The following TLL2 variants were observed in gnomAD, a reference collection of about 807,000 sequenced individuals.
TLL2 encodes the protein tolloid-like protein 2.
Under a neutral mutation model 123.0 loss-of-function variants are expected in TLL2, and 106 were observed. The ratio of observed to expected loss-of-function variants is 0.86; its 90% CI spans 0.74 to 1.01. TLL2 has a LOEUF of 1.01. TLL2 is among the 50% of genes least tolerant of loss of function. TLL2 has a pLI of 0.00. For missense variants in TLL2, 1,332 were observed against 1,336.7 expected (o/e 1.00, Z 0.06); for synonymous variants, 494 against 516.8 (o/e 0.96, Z 0.60).
intron 2 of TLL2, among the ~76,000 whole-genome samples, chr10:96,469,256 C>T (rs1236569387): frequency 6.6e-6 from 1 of 152,240 alleles, no homozygotes; most frequent in African/African-American, 2.4e-5. Context: ...CTGACCTGGG[C>T]TCCGATATTG....
At chr10:96,447,645 T>C (rs1188774840) in intron 2 of TLL2, among the ~76,000 whole-genome samples, 3 of 152,180 alleles carry the variant, frequency 2.0e-5, no homozygotes, top group Non-Finnish European at 4.4e-5. Flanking sequence ...ACAAAGACTA[T>C]GTCCAGGAGA....
chr10:96,393,111 G>C (rs1294023077), intron 13 of TLL2, among the ~76,000 whole-genome samples: 2 of 152,214 alleles, frequency 1.3e-5, no homozygotes, highest in Non-Finnish European at 2.9e-5. Context: ...CAAAGAAATA[G>C]ATTCTCCCTT....
At chr10:96,384,890 G>T in intron 15 of TLL2, 123 bp from the exon 16 acceptor site, 2 of 958,062 alleles carry the variant, frequency 2.1e-6, no homozygotes, top group Non-Finnish European at 2.9e-6. Context: ...AGGGTCCCTT[G>T]ACTCTTGCTA....
intron 2 of TLL2, among the ~76,000 whole-genome samples, chr10:96,454,342 T>A (rs575196415): frequency 2.0e-5 from 3 of 152,200 alleles, no homozygotes; most frequent in Non-Finnish European, 4.4e-5. Flanking sequence ...GCTGATGAAG[T>A]CTCAGAATTT....
intron 8 of TLL2, among the ~76,000 whole-genome samples, chr10:96,411,730 C>T (rs1243171235): frequency 6.6e-6 from 1 of 152,218 alleles, no homozygotes; most frequent in African/African-American, 2.4e-5. Context: ...ACATGCAGTT[C>T]AACCTCTGCA....
chr10:96,442,373 A>G (rs11813866), intron 3 of TLL2, among the ~76,000 whole-genome samples: 5,877 of 152,272 alleles, frequency 0.039, 372 homozygotes, highest in African/African-American at 0.13. Context: ...AGATTGACAC[A>G]ACGTGTCTTA....
intron 5 of TLL2, among the ~76,000 whole-genome samples, chr10:96,423,910 T>C (rs1333400071): frequency 3.3e-5 from 5 of 152,122 alleles, no homozygotes; most frequent in Non-Finnish European, 5.9e-5. Flanking sequence ...AGCAGTTGAA[T>C]GGATAAAGAA....
intron 18 of TLL2, among the ~76,000 whole-genome samples, chr10:96,375,965 G>C (rs905507335): frequency 5.3e-5 from 8 of 152,164 alleles, no homozygotes; most frequent in African/African-American, 1.9e-4. Flanking sequence ...GGAGTCCCTG[G>C]GGGTTGAGAA....
At chr10:96,482,992 G>A (rs906963783) in intron 1 of TLL2, among the ~76,000 whole-genome samples, 3 of 152,222 alleles carry the variant, frequency 2.0e-5, no homozygotes, top group Admixed American at 2.0e-4. Flanking sequence ...TAAGTCTGGA[G>A]AGAGATAGAC....
intron 2 of TLL2, among the ~76,000 whole-genome samples, chr10:96,479,618 G>A (rs1430664685): frequency 1.3e-5 from 2 of 152,216 alleles, no homozygotes; most frequent in Admixed American, 1.3e-4. Flanking sequence ...ACTCCATCAA[G>A]GCACCCCTGA....
chr10:96,459,560 C>T (rs998839006), intron 2 of TLL2, among the ~76,000 whole-genome samples: 4 of 149,200 alleles, frequency 2.7e-5, no homozygotes, highest in East Asian at 2.0e-4. Context: ...CCCAGCTACT[C>T]GGGAGGCTGA....
intron 1 of TLL2, among the ~76,000 whole-genome samples, chr10:96,506,616 T>C (rs1387952838): frequency 6.6e-6 from 1 of 151,344 alleles, no homozygotes; most frequent in Non-Finnish European, 1.5e-5. Flanking sequence ...AACCAGCACT[T>C]AGACCCTCAG....
intron 9 of TLL2, among the ~76,000 whole-genome samples, chr10:96,408,688 A>G (rs150879199): frequency 1.1e-4 from 17 of 152,344 alleles, no homozygotes; most frequent in African/African-American, 4.1e-4. Flanking sequence ...GCTTAGAGCC[A>G]AAGGAAGGAT....
In TLL2 at chr10:96,436,032, C is replaced by T. The variant is rs1028544258; in HGVS notation, c.365-3070G>A. Among the ~76,000 whole-genome samples the T allele has an allele frequency of 3.9e-5, 6 of 152,162 alleles. No individual in the cohort carries two copies. In the East Asian group the frequency reaches 1.2e-3, roughly 29 times the overall value. On this transcript the variant is annotated intron_variant, in intron 3 of 20. Transcript: ENST00000357947. Reference sequence around the variant, plus strand: ...CTGTGTGTGTTATTGATTTCTAACACTGCACTGTGTTCTAATAACCTATTC... The same window carrying T: ...CTGTGTGTGTTATTGATTTCTAACATTGCACTGTGTTCTAATAACCTATTC...
chr10:96,490,286 G>T (rs1340687569), intron 1 of TLL2, among the ~76,000 whole-genome samples: 1 of 152,168 alleles, frequency 6.6e-6, no homozygotes, highest in Non-Finnish European at 1.5e-5. Flanking sequence ...ATGAATGTGT[G>T]CGTTTAATAC....
chr10:96,409,668 C>T (rs957172087), intron 9 of TLL2, among the ~76,000 whole-genome samples: 1 of 152,146 alleles, frequency 6.6e-6, no homozygotes, highest in South Asian at 2.1e-4. Flanking sequence ...GAAAGAGATC[C>T]TTGCCCTGGG....
At chr10:96,493,574 G>T (rs1847438469) in intron 1 of TLL2, among the ~76,000 whole-genome samples, 1 of 152,098 alleles carries the variant, frequency 6.6e-6, no homozygotes, top group African/African-American at 2.4e-5. Flanking sequence ...GGAGGCCAGG[G>T]GATCTGAGAG....
chr10:96,406,027 G>A (rs577143842), intron 9 of TLL2, among the ~76,000 whole-genome samples: 11 of 152,292 alleles, frequency 7.2e-5, no homozygotes, highest in Non-Finnish European at 1.2e-4. Context: ...GAGAGGGATT[G>A]TCATGAGGAG....
At chr10:96,450,086 TG>T (rs1367225362) in intron 2 of TLL2, among the ~76,000 whole-genome samples, 2 of 151,396 alleles carry the variant, frequency 1.3e-5, no homozygotes, top group Non-Finnish European at 2.9e-5. Context: ...ACCTGGCACA[TG>T]GCAGGTACTG....
Sources: gnomAD v4.1 joint callset for allele counts (sites outside exome capture counted in the v4.1 genomes callset) on GRCh38, gnomAD v4.1.1 for gene constraint, MANE v1.5 for transcripts, NCBI Gene and HGNC (gene_info 2026-07-23, HGNC 2026-07-21) for gene names.